Variants in CHN1 observed in about 807,000 individuals in gnomAD.
CHN1 encodes the protein N-chimaerin.
Under a neutral mutation model 59.5 loss-of-function variants are expected in CHN1, and 37 were observed. The ratio of observed to expected loss-of-function variants is 0.62; its 90% CI spans 0.48 to 0.82. The LOEUF (loss-of-function observed/expected upper bound fraction) is 0.82, where lower values mean the gene tolerates loss of function less well. CHN1 is among the 40% of genes least tolerant of loss of function. CHN1 has a pLI of 0.00. For missense variants in CHN1, 469 were observed against 571.0 expected (o/e 0.82, Z 1.82); for synonymous variants, 206 against 200.4 (o/e 1.03, Z -0.24).
intron 5 of CHN1, among the ~76,000 whole-genome samples, chr2:174,884,789 T>G (rs774201771): frequency 2.0e-5 from 3 of 152,190 alleles, no homozygotes; most frequent in Non-Finnish European, 4.4e-5. Flanking sequence ...TTTTTCCCTC[T>G]TGAAAATTGT....
At chr2:174,937,422 A>G (rs1689531008) in intron 3 of CHN1, among the ~76,000 whole-genome samples, 2 of 152,256 alleles carry the variant, frequency 1.3e-5, no homozygotes, top group Non-Finnish European at 2.9e-5. Context: ...ATTGTAAGTA[A>G]GCATAATTCC....
At chr2:174,945,073 T>C in intron 2 of CHN1, 130 bp from the exon 3 acceptor site, 1 of 645,090 alleles carries the variant, frequency 1.6e-6, no homozygotes, top group South Asian at 2.3e-5. Flanking sequence ...TAAATTGTGT[T>C]ATGAACAAAA....
intron 1 of CHN1, among the ~76,000 whole-genome samples, chr2:174,985,928 G>C (rs1380119108): frequency 6.6e-6 from 1 of 152,148 alleles, no homozygotes; most frequent in Non-Finnish European, 1.5e-5. Context: ...CTATTCATCA[G>C]TATAATTCCA....
At chr2:174,867,914 A>G (rs1687276370) in intron 6 of CHN1, among the ~76,000 whole-genome samples, 1 of 152,178 alleles carries the variant, frequency 6.6e-6, no homozygotes, top group South Asian at 2.1e-4. Context: ...ATTGTTTCTC[A>G]TAGTTTTATT....
intron 1 of CHN1, among the ~76,000 whole-genome samples, chr2:174,961,090 T>G (rs1167191115): frequency 9.3e-6 from 1 of 107,296 alleles, no homozygotes; most frequent in Non-Finnish European, 2.1e-5. Flanking sequence ...TTTGTGCCAC[T>G]GCACACTAGT....
intron 5 of CHN1, among the ~76,000 whole-genome samples, chr2:174,884,544 G>C (rs1451158255): frequency 2.0e-5 from 3 of 151,960 alleles, no homozygotes; most frequent in African/African-American, 7.3e-5. Flanking sequence ...TTTAACAAAG[G>C]GGTTTTGTAT....
At chr2:174,932,588 G>C (rs1017013007) in intron 3 of CHN1, among the ~76,000 whole-genome samples, 9 of 152,210 alleles carry the variant, frequency 5.9e-5, no homozygotes, top group Non-Finnish European at 1.0e-4. Context: ...ATATGGTTTA[G>C]ATCTGTGTCT....
chr2:174,834,466 C>T (rs1358307752), intron 7 of CHN1, among the ~76,000 whole-genome samples: 1 of 152,126 alleles, frequency 6.6e-6, no homozygotes, highest in Non-Finnish European at 1.5e-5. Context: ...TGAATTCACT[C>T]AGCTTTTGTT....
chr2:174,996,579 G>C (rs1319212931), intron 1 of CHN1, among the ~76,000 whole-genome samples: 3 of 152,034 alleles, frequency 2.0e-5, no homozygotes, highest in African/African-American at 7.3e-5. Context: ...ATCCTTGGCA[G>C]AGAAAGGAGT....
At chr2:174,908,149 G>A (rs1326184411) in intron 5 of CHN1, among the ~76,000 whole-genome samples, 1 of 152,154 alleles carries the variant, frequency 6.6e-6, no homozygotes, top group Non-Finnish European at 1.5e-5. Flanking sequence ...TCCCAATTTA[G>A]AGAAGCTAAA....
chr2:174,959,838 TAAA>T (rs1433330837), intron 1 of CHN1, among the ~76,000 whole-genome samples: 2 of 152,180 alleles, frequency 1.3e-5, no homozygotes, highest in African/African-American at 4.8e-5. Flanking sequence ...AATGAACTTT[TAAA>T]AAACTGCAAT....
At chr2:174,848,369 G>A (rs999651535) in intron 6 of CHN1, among the ~76,000 whole-genome samples, 1 of 149,442 alleles carries the variant, frequency 6.7e-6, no homozygotes, top group Admixed American at 6.8e-5. Context: ...CTAGGTGAGA[G>A]ACTTAGCACA....
chr2:174,852,232 T>A (rs984624341), intron 6 of CHN1, among the ~76,000 whole-genome samples: 3 of 152,060 alleles, frequency 2.0e-5, no homozygotes, highest in Admixed American at 2.0e-4. Context: ...GTGGTTGCAG[T>A]GAGCCGAGAT....
At position 174,800,174 on chromosome 2, in the gene CHN1, A is replaced by G. The variant is rs552090021; in HGVS notation, c.1322T>C (p.Ile441Thr). The part of the protein sequence containing the change: ...ELDAMAALND[I>T]RYQRLVVELL... The stretch of plus-strand genomic sequence containing the variant: ...CTCCACCACCAGTCTCTGATACCGT[A>G]TATCATTCAATGCAGCCATGGCGTC... Residue 441 changes from isoleucine (I) to threonine (T), a missense_variant, in exon 13 of 13, where the codon ATA (isoleucine) becomes ACA (threonine). Ile to Thr is a moderately conservative substitution (Grantham distance 89). Around this residue, in one of 5 missense-constraint regions of CHN1, gnomAD observed 225 missense variants for 289.9 expected, o/e 0.78. Transcript: ENST00000409900. 5 of 1,540,676 alleles carry G rather than the reference A, an allele frequency of 3.2e-6. No individual in the cohort carries two copies. The highest frequency in any genetic ancestry group is 2.8e-5 in the African/African-American group (2 of 72,520).
intron 8 of CHN1, among the ~76,000 whole-genome samples, chr2:174,813,562 A>G (rs1019798734): frequency 1.3e-5 from 2 of 152,250 alleles, no homozygotes; most frequent in East Asian, 1.9e-4. Context: ...ATTTTCAACA[A>G]GAAAAGTACA....
chr2:174,904,335 CTT>C (rs1201249257), intron 5 of CHN1, among the ~76,000 whole-genome samples: 2 of 152,108 alleles, frequency 1.3e-5, no homozygotes, highest in Admixed American at 6.5e-5. Flanking sequence ...TGTCATACCT[CTT>C]GTCAACTTAG....
intron 6 of CHN1, chr2:174,847,570 A>C: frequency 3.9e-6 from 5 of 1,275,644 alleles, no homozygotes; most frequent in Non-Finnish European, 5.1e-6. Context: ...AGTTTCTAGC[A>C]ACAGACACCC....
At chr2:174,831,657 A>C (rs187619440) in intron 7 of CHN1, among the ~76,000 whole-genome samples, 6 of 152,258 alleles carry the variant, frequency 3.9e-5, no homozygotes, top group Non-Finnish European at 8.8e-5. Context: ...TATAATTTTA[A>C]TGTTTAGGCT....
intron 6 of CHN1, among the ~76,000 whole-genome samples, chr2:174,861,968 G>C (rs1397927020): frequency 2.0e-5 from 3 of 152,136 alleles, no homozygotes; most frequent in Non-Finnish European, 4.4e-5. Context: ...GAAAATATTA[G>C]AAGGAAAAGG....
Sources: allele counts gnomAD v4.1 joint callset (sites outside exome capture counted in the v4.1 genomes callset), GRCh38; gene constraint gnomAD v4.1.1; regional missense constraint gnomAD v4.1.1; transcripts MANE v1.5; gene names NCBI Gene and HGNC (gene_info 2026-07-23, HGNC 2026-07-21).